The following STRN variants were observed in gnomAD, a reference collection of about 807,000 sequenced individuals.
STRN encodes the protein striatin.
Under a neutral mutation model 96.3 loss-of-function variants are expected in STRN, and 53 were observed. The ratio of observed to expected loss-of-function variants is 0.55; its 90% CI spans 0.44 to 0.69. The LOEUF is 0.69. STRN is among the 30% of genes least tolerant of loss of function. STRN has a pLI of 0.00. For synonymous variants in STRN, 428 were observed against 355.9 expected, an observed-to-expected ratio of 1.20 and a Z score of -2.28; for missense variants, 987 against 963.9, an observed-to-expected ratio of 1.02 and a Z score of -0.32.
chr2:36,916,643 C>A (rs1670107508), intron 2 of STRN, among the ~76,000 whole-genome samples: 1 of 152,034 alleles, frequency 6.6e-6, no homozygotes, highest in African/African-American at 2.4e-5. Flanking sequence ...TTATACTGCA[C>A]AATCCAAGGG....
chr2:36,905,575 C>A lies in STRN; in HGVS notation c.456G>T (p.Gln152His). 1.2e-6 allele frequency: 2 copies of A among 1,613,630 alleles called. No homozygotes were observed. Among genetic ancestry groups the A allele is most frequent in the Non-Finnish European group, 8.5e-7 (1 of 1,179,900 alleles). ...GTTGTCGACCTTGTTTCCACATTAA[C>A]TGGCTGTTTTGTTGTGGCTGCACTT... ...ETEVQPQQNS[Q>H]LMWKQGRQLL... The change falls in exon 4 of 18, where the codon CAG (glutamine) becomes CAT (histidine). Residue 152 changes from glutamine (Q) to histidine (H), a missense_variant. By Grantham distance (24) the Gln-to-His change is conservative. Transcript: ENST00000263918.
At chr2:36,927,431 C>T (rs1285745405) in intron 1 of STRN, among the ~76,000 whole-genome samples, 1 of 150,778 alleles carries the variant, frequency 6.6e-6, no homozygotes, top group Non-Finnish European at 1.5e-5. Flanking sequence ...ATCACCTCAG[C>T]CCAGGAGGCC....
chr2:36,879,104 T>C (rs770344842), intron 9 of STRN, among the ~76,000 whole-genome samples: 2 of 151,634 alleles, frequency 1.3e-5, no homozygotes, highest in Non-Finnish European at 2.9e-5. Flanking sequence ...GGAGTCATGC[T>C]CTATGGCCCA....
At chr2:36,961,951 G>C (rs1313119981) in intron 1 of STRN, among the ~76,000 whole-genome samples, 1 of 152,084 alleles carries the variant, frequency 6.6e-6, no homozygotes, top group Non-Finnish European at 1.5e-5. Flanking sequence ...CCTCACCTTA[G>C]AGATCACCTT....
At chr2:36,929,158 T>C (rs1275265502) in intron 1 of STRN, among the ~76,000 whole-genome samples, 3 of 152,030 alleles carry the variant, frequency 2.0e-5, no homozygotes, top group Non-Finnish European at 2.9e-5. Context: ...TTCCTAACCA[T>C]TATAAACAAA....
Position 36,902,663 on chromosome 2 carries a change from T to G in STRN, c.580A>C (p.Thr194Pro). Residue 194 changes from threonine (T) to proline (P), a missense_variant, in exon 5 of 18, where the codon ACG becomes CCG. Physicochemically the swap from Thr to Pro is conservative, Grantham distance 38. Transcript: ENST00000263918. The part of the protein sequence containing the change: ...RALLGFSSDV[T>P]DREDDKNQDS... Reference sequence around the variant, plus strand: ...TGATTTTTGTCATCTTCCCTGTCCGTGACATCACTTGAAAAGCCCAACAAA... The same window carrying G: ...TGATTTTTGTCATCTTCCCTGTCCGGGACATCACTTGAAAAGCCCAACAAA... 4 of 1,612,486 alleles carry G rather than the reference T, an allele frequency of 2.5e-6. No individual in the cohort carries two copies. Among genetic ancestry groups the G allele is most frequent in the Non-Finnish European group, 3.4e-6 (4 of 1,178,844 alleles).
chr2:36,883,840 G>C, intron 9 of STRN, 92 bp downstream of exon 9: 1 of 1,201,084 alleles, frequency 8.3e-7, no homozygotes, highest in Non-Finnish European at 1.1e-6. Context: ...GCAGAATAAA[G>C]TTCTCTCTAA....
intron 2 of STRN, among the ~76,000 whole-genome samples, chr2:36,916,472 C>A (rs1431431923): frequency 6.7e-6 from 1 of 148,520 alleles, no homozygotes; most frequent in African/African-American, 2.5e-5. Context: ...ATTGCCAAAG[C>A]TAAATTTTAC....
intron 9 of STRN, among the ~76,000 whole-genome samples, chr2:36,883,393 G>C (rs1194205793): frequency 6.6e-6 from 1 of 152,124 alleles, no homozygotes; most frequent in Non-Finnish European, 1.5e-5. Context: ...GGAGGTGGAG[G>C]TTGTAGCGAG....
chr2:36,882,673 G>A (rs915379899), intron 9 of STRN, among the ~76,000 whole-genome samples: 1 of 152,170 alleles, frequency 6.6e-6, no homozygotes, highest in African/African-American at 2.4e-5. Context: ...GGAGGCTGAG[G>A]TGGAAGTATC....
rs894114275 is a variant in STRN at position 36,847,398 on chromosome 2, C to G, written c.*2058G>C. 6.6e-6 allele frequency: 1 copy of G among 152,096 alleles called. No individual in the cohort carries two copies. Among genetic ancestry groups the G allele is most frequent in the Non-Finnish European group, 1.5e-5 (1 of 68,006 alleles). The allele number at this position is 152,096 out of a possible 1,614,324, so 9.4% of individuals were successfully genotyped here. Reference sequence around the variant, plus strand: ...TAATGGCATCTTCCTTCCTTCCTTCCTGGAAGGAATTTTCCAGTATCCTTC... The same window carrying G: ...TAATGGCATCTTCCTTCCTTCCTTCGTGGAAGGAATTTTCCAGTATCCTTC... On this transcript the variant is annotated 3_prime_UTR_variant, in exon 18 of 18. Transcript: ENST00000263918.
At chr2:36,853,996 C>G (rs976140985) in intron 15 of STRN, among the ~76,000 whole-genome samples, 1 of 152,082 alleles carries the variant, frequency 6.6e-6, no homozygotes, top group African/African-American at 2.4e-5. Context: ...GTAAAAAGTC[C>G]TATTAATTTA....
chr2:36,861,145 G>C lies in STRN; in HGVS notation c.1656C>G (p.Pro552=). ...GAAATCACCTACCATAAGAATCATA[G>C]GGGTCGATGTTGGGATTAGTGGTAT... ...GWNTTNPNID[P]YDSYDPSVLR... is the part of the protein sequence containing the mutation. The change falls in exon 13 of 18, where the codon CCC becomes CCG. Residue 552 remains proline (P), a synonymous_variant. Coordinates refer to ENST00000263918, the MANE Select transcript of STRN (RefSeq NM_003162.4). The C allele has an allele frequency of 6.2e-7, 1 of 1,613,698 alleles. No homozygotes were observed.
At chr2:36,966,115 G>A in intron 1 of STRN, 115 bp downstream of exon 1, 1 of 1,237,894 alleles carries the variant, frequency 8.1e-7, no homozygotes, top group Middle Eastern at 2.9e-4. Flanking sequence ...TGGGATGGGC[G>A]GCAGCAAAGG....
At chr2:36,887,897 T>C (rs1669282374) in intron 7 of STRN, among the ~76,000 whole-genome samples, 1 of 152,206 alleles carries the variant, frequency 6.6e-6, no homozygotes. Context: ...ATGTAAATGT[T>C]AACTCAGAAT....
intron 4 of STRN, among the ~76,000 whole-genome samples, chr2:36,903,593 G>T (rs1440117809): frequency 6.6e-6 from 1 of 152,184 alleles, no homozygotes; most frequent in African/African-American, 2.4e-5. Context: ...TAACTTATAA[G>T]TAGGCACCGA....
At chr2:36,885,969 G>A (rs1222761485) in intron 8 of STRN, among the ~76,000 whole-genome samples, 2 of 151,988 alleles carry the variant, frequency 1.3e-5, no homozygotes, top group Non-Finnish European at 2.9e-5. Flanking sequence ...ACTGTTTTCA[G>A]GAATGGTTTG....
Position 36,884,072 on chromosome 2 carries a change from G to C in STRN, c.1046C>G (p.Pro349Arg). ...CATATCTTGTAGTTTTGACCTATTG[G>C]GCCCTAGCCAAAAAAAGGGGGGGTG... ...ERKGKKGVKR[P>R]NRSKLQDMLA... is the part of the protein sequence containing the mutation. Residue 349 changes from proline to arginine, a missense_variant, in exon 9 of 18, where the codon CCC becomes CGC. Physicochemically the swap from Pro to Arg is moderately radical, Grantham distance 103. Coordinates refer to ENST00000263918, the MANE Select transcript of STRN (RefSeq NM_003162.4). 7.5e-7 allele frequency: 1 copy of C among 1,336,494 alleles called. No individual in the cohort carries two copies. Among genetic ancestry groups the C allele is most frequent in the Non-Finnish European group, 9.7e-7 (1 of 1,033,752 alleles). 82.8% of individuals were successfully genotyped at this position (1,336,494 alleles called of 1,614,324 possible). A position where few individuals can be genotyped will look rare whatever the true frequency, so the allele number is the denominator to read the frequency against.
chr2:36,917,292 T>C lies in STRN; in HGVS notation c.339-1141A>G, dbSNP rs928150683. Among the ~76,000 whole-genome samples the C allele has an allele frequency of 7.9e-5, 12 of 151,034 alleles. 1 individual carries two copies. The highest frequency in any genetic ancestry group is 1.9e-4 in the East Asian group (1 of 5,180). On this transcript the variant is annotated intron_variant, in intron 2 of 17. Transcript: ENST00000263918. Reference sequence around the variant, plus strand: ...ATCCTAACACTTTGGGAGGCCAAGGTAGATGGATCACCAGAGGTCAGGAGT... The same window carrying C: ...ATCCTAACACTTTGGGAGGCCAAGGCAGATGGATCACCAGAGGTCAGGAGT...
Sources: gnomAD v4.1 joint callset for allele counts (sites outside exome capture counted in the v4.1 genomes callset) on GRCh38, gnomAD v4.1.1 for gene constraint, MANE v1.5 for transcripts, NCBI Gene and HGNC (gene_info 2026-07-23, HGNC 2026-07-21) for gene names.